The following RAP1GDS1 variants were observed in gnomAD, a reference collection of about 807,000 sequenced individuals.
RAP1GDS1 encodes the protein RAP1, GTP-GDP dissociation stimulator 1.
A neutral mutation model predicts 71.1 loss-of-function variants in RAP1GDS1; 35 were observed. That is an observed-to-expected ratio of 0.49 (90% CI 0.38 to 0.65). The LOEUF is 0.65. RAP1GDS1 is among the 30% of genes least tolerant of loss of function. The pLI is 0.00. For missense variants in RAP1GDS1, 663 were observed against 706.1 expected, an observed-to-expected ratio of 0.94 and a Z score of 0.69; for synonymous variants, 229 against 243.1, an observed-to-expected ratio of 0.94 and a Z score of 0.54.
chr4:98,437,131 G>T, intron 14 of RAP1GDS1, 63 bp downstream of exon 14: 1 of 1,399,108 alleles, frequency 7.1e-7, no homozygotes, highest in Non-Finnish European at 9.3e-7. Context: ...ATTAAATATA[G>T]AGTAATAGTA....
chr4:98,265,870 A>G (rs1048548375), intron 1 of RAP1GDS1, among the ~76,000 whole-genome samples: 7 of 152,098 alleles, frequency 4.6e-5, no homozygotes, highest in Admixed American at 1.3e-4. Flanking sequence ...TGCTTTGGTT[A>G]GGATATTACC....
At chr4:98,308,174 A>G (rs543414169) in intron 2 of RAP1GDS1, among the ~76,000 whole-genome samples, 36 of 150,168 alleles carry the variant, frequency 2.4e-4, no homozygotes, top group African/African-American at 7.1e-4. Flanking sequence ...GTGTGTGTGT[A>G]TGTATGTGTA....
At chr4:98,395,734 A>G (rs1202941423) in intron 6 of RAP1GDS1, among the ~76,000 whole-genome samples, 1 of 152,100 alleles carries the variant, frequency 6.6e-6, no homozygotes, top group Admixed American at 6.6e-5. Flanking sequence ...TATACTTTCC[A>G]TTCTGTGCGT....
At chr4:98,376,572 C>A (rs1442040105) in intron 4 of RAP1GDS1, among the ~76,000 whole-genome samples, 2 of 151,902 alleles carry the variant, frequency 1.3e-5, no homozygotes, top group Non-Finnish European at 2.9e-5. Flanking sequence ...TCCTTTGAAT[C>A]CTTAAATTCT....
chr4:98,272,929 G>T (rs147244600), intron 1 of RAP1GDS1, among the ~76,000 whole-genome samples: 2 of 152,218 alleles, frequency 1.3e-5, no homozygotes, highest in African/African-American at 4.8e-5. Context: ...GAGCTCATAA[G>T]GCACCCACCT....
intron 13 of RAP1GDS1, among the ~76,000 whole-genome samples, chr4:98,434,827 G>A (rs1750930741): frequency 6.6e-6 from 1 of 151,966 alleles, no homozygotes; most frequent in East Asian, 1.9e-4. Flanking sequence ...CACCATGTTG[G>A]TCAGGCTGGT....
rs188020446 is a variant in RAP1GDS1, at chr4:98,287,299, G to T, written c.5-6109G>T. Among the ~76,000 whole-genome samples, 159 of 152,232 alleles carry T rather than the reference G, an allele frequency of 1.0e-3. 1 individual carries two copies. Among genetic ancestry groups the T allele is most frequent in the Admixed American group, 6.1e-3 (93 of 15,276 alleles). ...TTCTACAAAAATAATCTCATAAATA[G>T]ATTACAAACTTATTGATGAAGTTTA... On this transcript the variant is annotated intron_variant, in intron 1 of 14. Transcript: ENST00000408927.
intron 4 of RAP1GDS1, among the ~76,000 whole-genome samples, chr4:98,374,145 G>T (rs1740818196): frequency 6.6e-6 from 1 of 152,128 alleles, no homozygotes; most frequent in Non-Finnish European, 1.5e-5. Context: ...ACTTAGGTTA[G>T]ACCATTTGCT....
chr4:98,381,584 A>G (rs1437931638), intron 5 of RAP1GDS1, among the ~76,000 whole-genome samples: 2 of 151,628 alleles, frequency 1.3e-5, no homozygotes, highest in Non-Finnish European at 3.0e-5. Flanking sequence ...ACAAAAAATA[A>G]CAGCTTTTTG....
intron 2 of RAP1GDS1, among the ~76,000 whole-genome samples, chr4:98,325,487 G>A (rs1732873635): frequency 1.3e-5 from 2 of 151,918 alleles, no homozygotes; most frequent in Admixed American, 1.3e-4. Context: ...GTTTATTGTG[G>A]CATTATTCAC....
rs920753695 is a variant in RAP1GDS1 at position 98,323,540 on chromosome 4, C to T, written c.113-19599C>T. Among the ~76,000 whole-genome samples, 1,103 of 143,098 alleles carry T rather than the reference C, an allele frequency of 7.7e-3. 42 individuals are homozygous for T. The highest frequency in any genetic ancestry group is 0.073 in the Admixed American group (1,018 of 13,900). The allele number at this position is 143,098 out of a possible 152,430, so 93.9% of individuals were successfully genotyped here. ...AATCCTCAATAAAATACTGGCAAACCGAATCCAGTAGCACATCAAAAAGCT... is the reference window on the plus strand; with the variant it reads ...AATCCTCAATAAAATACTGGCAAACTGAATCCAGTAGCACATCAAAAAGCT... On this transcript the variant is annotated intron_variant, in intron 2 of 14. Coordinates refer to ENST00000408927, the MANE Select transcript of RAP1GDS1 (RefSeq NM_001100427.2).
Position 98,443,015 on chromosome 4 carries a change from A to ATTTTTTTTT in RAP1GDS1, c.*913_*921dup, listed in dbSNP as rs397994660. On this transcript the variant is annotated 3_prime_UTR_variant, in exon 15 of 15. Coordinates refer to ENST00000408927, the MANE Select transcript of RAP1GDS1 (RefSeq NM_001100427.2). ...TGAGTATAGTTCATTGAAGAATGGA[A>ATTTTTTTTT]TTTTTTTTTTTTTTTTTTTTTTTGC... The ATTTTTTTTT allele has an allele frequency of 2.4e-4, 33 of 138,300 alleles. 1 individual carries two copies. The highest frequency in any genetic ancestry group is 9.5e-4 in the African/African-American group (24 of 25,340). 8.6% of individuals were successfully genotyped at this position (138,300 alleles called of 1,614,324 possible).
intron 1 of RAP1GDS1, among the ~76,000 whole-genome samples, chr4:98,262,965 T>C (rs1722239744): frequency 1.3e-5 from 2 of 152,216 alleles, no homozygotes; most frequent in Admixed American, 1.3e-4. Context: ...TTAACGTGAG[T>C]ACTCGATATG....
At chr4:98,338,664 A>G (rs1313136654) in intron 2 of RAP1GDS1, among the ~76,000 whole-genome samples, 2 of 152,172 alleles carry the variant, frequency 1.3e-5, no homozygotes, top group Admixed American at 6.5e-5. Flanking sequence ...TCATAACTCT[A>G]AGTAAAACTT....
chr4:98,405,416 A>G (rs957098526), intron 7 of RAP1GDS1, among the ~76,000 whole-genome samples: 12 of 152,292 alleles, frequency 7.9e-5, no homozygotes, highest in African/African-American at 2.4e-4. Context: ...GAAATCCAAT[A>G]TGAACTAAAA....
At chr4:98,320,292 G>C (rs1731619403) in intron 2 of RAP1GDS1, among the ~76,000 whole-genome samples, 1 of 152,134 alleles carries the variant, frequency 6.6e-6, no homozygotes, top group East Asian at 1.9e-4. Flanking sequence ...TTTATTGGTT[G>C]ATTTGGTGGC....
chr4:98,268,486 G>T (rs1399166185), intron 1 of RAP1GDS1, among the ~76,000 whole-genome samples: 1 of 151,744 alleles, frequency 6.6e-6, no homozygotes, highest in East Asian at 1.9e-4. Context: ...ACAAGAAAAA[G>T]AAATTAAAAA....
intron 5 of RAP1GDS1, among the ~76,000 whole-genome samples, chr4:98,385,975 G>A (rs1254513122): frequency 1.3e-5 from 2 of 151,534 alleles, no homozygotes; most frequent in Non-Finnish European, 3.0e-5. Flanking sequence ...CTTTATCTCA[G>A]CAGTGCTGTA....
At chr4:98,311,901 A>C (rs1419869540) in intron 2 of RAP1GDS1, among the ~76,000 whole-genome samples, 1 of 152,046 alleles carries the variant, frequency 6.6e-6, no homozygotes, top group African/African-American at 2.4e-5. Context: ...AGCCTCCCAA[A>C]CCGTAGGGTT....
Sources: allele counts gnomAD v4.1 joint callset (sites outside exome capture counted in the v4.1 genomes callset), GRCh38; gene constraint gnomAD v4.1.1; transcripts MANE v1.5; gene names NCBI Gene and HGNC (gene_info 2026-07-23, HGNC 2026-07-21).